Variants in RYR1 observed in about 807,000 individuals in gnomAD.
RYR1 encodes ryanodine receptor 1.
Under a neutral mutation model 583.5 loss-of-function variants are expected in RYR1, and 342 were observed. The observed-to-expected ratio is 0.59, with a 90% confidence interval of 0.54 to 0.64. The LOEUF (loss-of-function observed/expected upper bound fraction) is 0.64, where lower values mean the gene tolerates loss of function less well. Ranked by LOEUF, RYR1 falls within the 30% of genes least tolerant of loss-of-function variation. The pLI, the probability that RYR1 is intolerant of heterozygous loss-of-function variation, is 0.00. For synonymous variants in RYR1, 2,791 were observed against 2,822.5 expected, an observed-to-expected ratio of 0.99 and a Z score of 0.35; for missense variants, 6,032 against 6,917.2, an observed-to-expected ratio of 0.87 and a Z score of 4.54.
intron 53 of RYR1, 77 bp from the exon 54 acceptor site, chr19:38,505,729 G>T (rs1970413602): frequency 6.3e-7 from 1 of 1,581,544 alleles, no homozygotes; most frequent in African/African-American, 1.4e-5. Flanking sequence ...CATGGTCAGG[G>T]TTTTCTCCTT....
intron 71 of RYR1, 29 bp downstream of exon 71, chr19:38,525,531 T>A: frequency 6.2e-7 from 1 of 1,609,850 alleles, no homozygotes; most frequent in Non-Finnish European, 8.5e-7. Flanking sequence ...CCTCGGAACC[T>A]TCCAGGATGC....
In RYR1 at chr19:38,496,137, C is replaced by A; in HGVS notation, c.6549-78C>A. ...CACAGAGTGAGAGGGTCAAGAATGC[C>A]AACGCTGTCACAGTGGTGGCTATGG... On this transcript the variant is annotated intron_variant, in intron 39 of 105. Transcript: ENST00000359596. This position sits in a 1 kb window ranked among gnomAD's most constrained non-coding sequence, Gnocchi z 4.8. 8.5e-7 allele frequency: 1 copy of A among 1,179,238 alleles called. No individual in the cohort carries two copies. Among genetic ancestry groups the A allele is most frequent in the Non-Finnish European group, 1.3e-6 (1 of 793,468 alleles). 73.0% of individuals were successfully genotyped at this position (1,179,238 alleles called of 1,614,324 possible). A position where few individuals can be genotyped will look rare whatever the true frequency, so the allele number is the denominator to read the frequency against.
intron 92 of RYR1, among the ~76,000 whole-genome samples, chr19:38,567,371 A>G (rs998342103): frequency 2.0e-5 from 3 of 152,092 alleles, no homozygotes; most frequent in African/African-American, 7.2e-5. Context: ...GAAAACTCCC[A>G]TCTAACTGCC....
chr19:38,467,551 G>A lies in RYR1; in HGVS notation c.3179-59G>A, dbSNP rs1052551519. 3.2e-6 allele frequency: 5 copies of A among 1,576,754 alleles called. 1 individual carries two copies. The highest frequency in any genetic ancestry group is 1.7e-4 in the Middle Eastern group (1 of 6,010). On this transcript the variant is annotated intron_variant, in intron 24 of 105. Coordinates refer to ENST00000359596, the MANE Select transcript of RYR1 (RefSeq NM_000540.3). ...AAAGCCTGTCTTCTACCAACTTCTC[G>A]ATGTCTTGGGATCCACATCTTCCCT...
At chr19:38,585,168 G>T (rs938979371) in intron 102 of RYR1, 69 bp downstream of exon 102, 1 of 1,560,894 alleles carries the variant, frequency 6.4e-7, no homozygotes, top group African/African-American at 1.4e-5. Context: ...TGCAGGCCCA[G>T]GATCCAGTCG....
chr19:38,475,383 G>A lies in RYR1; in HGVS notation c.4226G>A (p.Arg1409Gln). The A allele has an allele frequency of 1.9e-6, 3 of 1,613,600 alleles. No individual in the cohort carries two copies. The highest frequency in any genetic ancestry group is 1.1e-5 in the South Asian group (1 of 90,980). Residue 1409 changes from arginine (R) to glutamine (Q), a missense_variant, in exon 29 of 106, where the codon CGA becomes CAA. This residue lies in a region of RYR1 where 2,627 missense variants were observed against 2,961.3 expected (regional missense o/e 0.89). Coordinates refer to ENST00000359596, the MANE Select transcript of RYR1 (RefSeq NM_000540.3). ...TQPPATPTLP[R>Q]LPHDVVPADN... The stretch of plus-strand genomic sequence containing the variant: ...CCACCGGCCACCCCCACGCTGCCCC[G>A]ACTCCCTCACGACGTGGTGCCTGCA...
chr19:38,554,599 T>C (rs1972804885), intron 89 of RYR1, among the ~76,000 whole-genome samples: 1 of 152,006 alleles, frequency 6.6e-6, no homozygotes, highest in African/African-American at 2.4e-5. Flanking sequence ...AGGCCCTTTC[T>C]GGTGTTTGAA....
chr19:38,530,743 G>A (rs1041382499), intron 76 of RYR1, among the ~76,000 whole-genome samples: 1 of 151,882 alleles, frequency 6.6e-6, no homozygotes, highest in African/African-American at 2.4e-5. Context: ...ACAGCCACAT[G>A]CCAGGCAGAA....
chr19:38,568,581 CAAAAAA>C (rs59369147), intron 93 of RYR1, among the ~76,000 whole-genome samples: 7 of 64,900 alleles, frequency 1.1e-4, no homozygotes, highest in Non-Finnish European at 2.0e-4. Context: ...ACTAAAAATA[CAAAAAA>C]AAAAAAAAAA....
chr19:38,443,523 T>C (rs1436176180), intron 3 of RYR1, 35 bp from the exon 4 acceptor site: 1 of 1,591,874 alleles, frequency 6.3e-7, no homozygotes, highest in East Asian at 2.2e-5. Flanking sequence ...AGTCCGGGGA[T>C]CTGTGCTTAT....
intron 58 of RYR1, among the ~76,000 whole-genome samples, chr19:38,508,434 G>C (rs1970579696): frequency 1.3e-5 from 2 of 152,130 alleles, no homozygotes; most frequent in Non-Finnish European, 2.9e-5. Context: ...GGATGGTCTC[G>C]ATCTCTCGAC....
chr19:38,523,999 C>T (rs2145706328), intron 70 of RYR1, 70 bp downstream of exon 70: 1 of 1,579,976 alleles, frequency 6.3e-7, no homozygotes, highest in Non-Finnish European at 8.7e-7. Flanking sequence ...CTCTGCACGC[C>T]CCCGCCTCGA....
intron 19 of RYR1, among the ~76,000 whole-genome samples, chr19:38,459,945 C>T (rs538353334): frequency 6.6e-6 from 1 of 152,164 alleles, no homozygotes; most frequent in South Asian, 2.1e-4. Flanking sequence ...TTCCCAATCA[C>T]CCCAAGCTCT....
rs942942261 is a variant in RYR1, at chr19:38,565,564, G to C, written c.13230G>C (p.Glu4410Asp). Residue 4410 changes from glutamate (E) to aspartate (D), a missense_variant, in exon 91 of 106, where the codon GAG (glutamate) becomes GAC (aspartate). Transcript: ENST00000359596. The surrounding 1 kb of genome is among the most constrained non-coding windows in gnomAD (Gnocchi z 4.7). ...ACGCAGACGGCGAGGGTGCCAGCGA[G>C]GGCGCTGGAGACGCCGCGGAGGGCG... Reference protein sequence around the residue: ...GGDADGEGASEGAGDAAEGAG... With the variant: ...GGDADGEGASDGAGDAAEGAG... 1.6e-5 allele frequency: 23 copies of C among 1,477,898 alleles called. No individual in the cohort carries two copies. In the African/African-American group the frequency reaches 3.4e-4, roughly 22 times the overall value. 91.5% of individuals were successfully genotyped at this position (1,477,898 alleles called of 1,614,324 possible).
At chr19:38,493,031 T>G (rs1969628808) in intron 38 of RYR1, among the ~76,000 whole-genome samples, 2 of 151,758 alleles carry the variant, frequency 1.3e-5, no homozygotes, top group African/African-American at 4.8e-5. Context: ...ATTGCGCCAC[T>G]GCACTCCAGC....
chr19:38,511,935 G>C (rs1970743501), intron 61 of RYR1, 137 bp from the exon 62 acceptor site: 1 of 1,033,674 alleles, frequency 9.7e-7, no homozygotes, highest in Non-Finnish European at 1.5e-6. Flanking sequence ...GGAGTCTGGG[G>C]GGGTGGGGGT....
intron 24 of RYR1, among the ~76,000 whole-genome samples, chr19:38,466,902 C>T (rs954649649): frequency 1.3e-5 from 2 of 152,128 alleles, no homozygotes; most frequent in African/African-American, 4.8e-5. Flanking sequence ...CAACTCGGAA[C>T]CTGATGGAAC....
rs1347063687 is a variant in RYR1, at chr19:38,455,663, T to A, written c.1703T>A (p.Ile568Asn). The part of the protein sequence containing the change: ...GILEVLYCVL[I>N]ESPEVLNIIQ... The stretch of plus-strand genomic sequence containing the variant: ...CTGGAGGTCCTGTACTGTGTCCTCA[T>A]TGAGAGTCCAGAGGTTCTGAACATC... Residue 568 changes from isoleucine (I) to asparagine (N), a missense_variant, in exon 16 of 106, where the codon ATT becomes AAT. By Grantham distance (149) the Ile-to-Asn change is moderately radical. This residue lies in a region of RYR1 where 2,627 missense variants were observed against 2,961.3 expected (regional missense o/e 0.89). Coordinates refer to ENST00000359596, the MANE Select transcript of RYR1 (RefSeq NM_000540.3). The A allele has an allele frequency of 6.2e-7, 1 of 1,613,932 alleles. No individual in the cohort carries two copies. Among genetic ancestry groups the A allele is most frequent in the African/African-American group, 1.3e-5 (1 of 75,010 alleles).
At chr19:38,475,930 T>C (rs886893910) in intron 29 of RYR1, among the ~76,000 whole-genome samples, 1 of 152,260 alleles carries the variant, frequency 6.6e-6, no homozygotes, top group Non-Finnish European at 1.5e-5. Flanking sequence ...ATCAATTTTG[T>C]GGAAGACAGT....
Sources: allele counts gnomAD v4.1 joint callset (sites outside exome capture counted in the v4.1 genomes callset), GRCh38; gene constraint gnomAD v4.1.1; regional missense constraint gnomAD v4.1.1; non-coding constraint Gnocchi (gnomAD v3.1); transcripts MANE v1.5; gene names NCBI Gene and HGNC (gene_info 2026-07-23, HGNC 2026-07-21).